The following CDK14 variants were observed in gnomAD, a reference collection of about 807,000 sequenced individuals.
The protein encoded by CDK14 is cyclin dependent kinase 14.
A neutral mutation model predicts 60.7 loss-of-function variants in CDK14; 34 were observed. The observed-to-expected ratio is 0.56, with a 90% CI of 0.43 to 0.75. CDK14 has a LOEUF of 0.75. CDK14 is among the 30% of genes least tolerant of loss of function. The pLI, the probability that CDK14 is intolerant of heterozygous loss-of-function variation, is 0.00. For missense variants in CDK14, 482 were observed against 564.1 expected (o/e 0.85, Z 1.47); for synonymous variants, 197 against 203.7 (o/e 0.97, Z 0.28).
At chr7:90,802,468 T>G (rs1788677578) in intron 5 of CDK14, among the ~76,000 whole-genome samples, 3 of 152,198 alleles carry the variant, frequency 2.0e-5, no homozygotes, top group Non-Finnish European at 2.9e-5. Context: ...GTTTCTCAGT[T>G]GCATCCTCAT....
intron 9 of CDK14, among the ~76,000 whole-genome samples, chr7:90,957,233 A>G (rs1794452687): frequency 6.6e-6 from 1 of 152,028 alleles, no homozygotes; most frequent in Non-Finnish European, 1.5e-5. Context: ...TCCCACCAAC[A>G]GTGTAAAAGT....
At chr7:91,176,062 A>G (rs1801739395) in intron 14 of CDK14, among the ~76,000 whole-genome samples, 2 of 151,926 alleles carry the variant, frequency 1.3e-5, no homozygotes, top group African/African-American at 4.8e-5. Context: ...CTTGGAAGTA[A>G]AGCTCTCCTC....
Position 91,112,565 on chromosome 7 carries a change from A to C in CDK14, c.1178A>C (p.Glu393Ala), listed in dbSNP as rs1172848091. The C allele has an allele frequency of 6.2e-7, 1 of 1,613,604 alleles. No homozygotes were observed. The part of the protein sequence containing the change: ...WNKLSYVNHA[E>A]DLASKLLQCS... ...AGGCTCAGCTATGTGAACCATGCAG[A>C]GGACCTGGCCTCCAAGCTCCTACAA... The change falls in exon 13 of 15, where the codon GAG becomes GCG. Residue 393 changes from glutamate (E) to alanine (A), a missense_variant. Glu to Ala is a moderately radical substitution (Grantham distance 107). Coordinates refer to ENST00000380050, the MANE Select transcript of CDK14 (RefSeq NM_001287135.2).
chr7:91,199,969 A>G (rs530845398), intron 14 of CDK14, among the ~76,000 whole-genome samples: 1 of 152,332 alleles, frequency 6.6e-6, no homozygotes, highest in South Asian at 2.1e-4. Context: ...GAAATAAGTT[A>G]CAGAAGTAGG....
At chr7:90,958,273 C>T (rs1284944277) in intron 9 of CDK14, among the ~76,000 whole-genome samples, 1 of 151,976 alleles carries the variant, frequency 6.6e-6, no homozygotes, top group African/African-American at 2.4e-5. Context: ...TTTGTAAAGC[C>T]ACTGAGGATA....
At chr7:90,666,079 C>T (rs1183268495) in intron 2 of CDK14, among the ~76,000 whole-genome samples, 1 of 152,172 alleles carries the variant, frequency 6.6e-6, no homozygotes, top group Non-Finnish European at 1.5e-5. Context: ...TTCTGCCAGC[C>T]CTTGTCCTCT....
intron 8 of CDK14, among the ~76,000 whole-genome samples, chr7:90,930,337 C>T (rs971794678): frequency 2.2e-4 from 34 of 152,104 alleles, no homozygotes; most frequent in African/African-American, 7.9e-4. Context: ...TCACATGTAT[C>T]CTTCATTACA....
chr7:91,013,664 T>TG (rs1212898330), intron 10 of CDK14, among the ~76,000 whole-genome samples: 10 of 151,032 alleles, frequency 6.6e-5, no homozygotes, highest in Non-Finnish European at 1.5e-4. Flanking sequence ...CTGTTTTTTT[T>TG]TTTTTTTTTT....
intron 12 of CDK14, among the ~76,000 whole-genome samples, chr7:91,108,630 A>G (rs1191866984): frequency 2.6e-5 from 4 of 152,204 alleles, no homozygotes; most frequent in African/African-American, 9.6e-5. Context: ...ATATGTTTAT[A>G]ACTGCCACAT....
chr7:91,006,508 T>A (rs865949629), intron 10 of CDK14, among the ~76,000 whole-genome samples: 4 of 152,254 alleles, frequency 2.6e-5, no homozygotes, highest in Admixed American at 1.3e-4. Context: ...ATTTTATTTT[T>A]AAAAATAATT....
At chr7:90,668,338 C>A (rs1801027030) in intron 2 of CDK14, among the ~76,000 whole-genome samples, 1 of 152,072 alleles carries the variant, frequency 6.6e-6, no homozygotes, top group Non-Finnish European at 1.5e-5. Flanking sequence ...CTGTTCAAAT[C>A]CTAGCCTAGT....
chr7:90,980,714 G>C (rs705344), intron 9 of CDK14, among the ~76,000 whole-genome samples: 149,982 of 152,248 alleles, frequency 0.99, 73,915 homozygotes, highest in East Asian at 1. Flanking sequence ...CCTCGAGCAT[G>C]TTTGAAAAAG....
chr7:90,622,369 A>G (rs1799789478), intron 2 of CDK14, among the ~76,000 whole-genome samples: 1 of 152,224 alleles, frequency 6.6e-6, no homozygotes, highest in South Asian at 2.1e-4. Flanking sequence ...TAGTAAATGT[A>G]TGCATTATCA....
intron 10 of CDK14, among the ~76,000 whole-genome samples, chr7:91,013,617 G>GA (rs1796219952): frequency 6.7e-6 from 1 of 149,220 alleles, no homozygotes; most frequent in African/African-American, 2.5e-5. Flanking sequence ...TGTTTTTAAG[G>GA]AAAAATCTTT....
intron 12 of CDK14, among the ~76,000 whole-genome samples, chr7:91,088,744 A>G (rs1006437769): frequency 9.9e-5 from 15 of 152,124 alleles, no homozygotes; most frequent in Non-Finnish European, 2.9e-5. Flanking sequence ...ATCCCTCAAG[A>G]CTTGATATAC....
chr7:91,044,180 G>T (rs141910262), intron 10 of CDK14, among the ~76,000 whole-genome samples: 314 of 151,618 alleles, frequency 2.1e-3, no homozygotes, highest in African/African-American at 7.2e-3. Flanking sequence ...CGAAACATGC[G>T]ACATCAATCA....
At chr7:90,963,904 T>TG (rs1354849902) in intron 9 of CDK14, among the ~76,000 whole-genome samples, 2 of 151,784 alleles carry the variant, frequency 1.3e-5, no homozygotes, top group African/African-American at 4.8e-5. Context: ...TTAGTAGAGA[T>TG]GGGGTTTCAC....
intron 5 of CDK14, among the ~76,000 whole-genome samples, chr7:90,850,386 G>T (rs1384189796): frequency 6.6e-6 from 1 of 152,194 alleles, no homozygotes; most frequent in African/African-American, 2.4e-5. Flanking sequence ...TATGGGCACA[G>T]CAGGAGTAAG....
intron 14 of CDK14, among the ~76,000 whole-genome samples, chr7:91,136,022 AAAT>A (rs1800269512): frequency 6.6e-6 from 1 of 152,192 alleles, no homozygotes; most frequent in South Asian, 2.1e-4. Flanking sequence ...GGCTGAAAAA[AAAT>A]GAGGCAGATA....
Sources: allele counts gnomAD v4.1 joint callset (sites outside exome capture counted in the v4.1 genomes callset), GRCh38; gene constraint gnomAD v4.1.1; transcripts MANE v1.5; gene names NCBI Gene and HGNC (gene_info 2026-07-23, HGNC 2026-07-21).